DLGAP1: variants seen among roughly 807,000 people sequenced by gnomAD.
DLGAP1 encodes the protein DLG associated protein 1.
In DLGAP1, 11 loss-of-function variants were observed where a neutral mutation model predicts 90.8. The observed-to-expected ratio is 0.12, with a 90% CI of 0.08 to 0.20. DLGAP1 has a LOEUF of 0.20. Ranked by LOEUF, DLGAP1 falls within the 10% of genes least tolerant of loss-of-function variation. The pLI, the probability that DLGAP1 is intolerant of heterozygous loss-of-function variation, is 1.00. For missense variants in DLGAP1, 1,050 were observed against 1,333.8 expected (o/e 0.79, Z 3.31); for synonymous variants, 558 against 540.7 (o/e 1.03, Z -0.44).
intron 1 of DLGAP1, among the ~76,000 whole-genome samples, chr18:4,341,617 C>G (rs73941440): frequency 6.6e-6 from 1 of 152,102 alleles, no homozygotes. Flanking sequence ...TTATGTCTCC[C>G]GCTTCTACAA....
chr18:4,390,942 C>T (rs1195516846), intron 1 of DLGAP1, among the ~76,000 whole-genome samples: 1 of 152,172 alleles, frequency 6.6e-6, no homozygotes, highest in Non-Finnish European at 1.5e-5. Flanking sequence ...TCAGCCTGCG[C>T]TCATCTTGGA....
intron 3 of DLGAP1, among the ~76,000 whole-genome samples, chr18:3,958,315 T>C (rs1483350107): frequency 6.6e-6 from 1 of 152,092 alleles, no homozygotes; most frequent in Non-Finnish European, 1.5e-5. Flanking sequence ...GCACTTGGCC[T>C]TAGTCCATAC....
intron 5 of DLGAP1, among the ~76,000 whole-genome samples, 183 bp from the exon 6 acceptor site, chr18:3,742,695 T>C (rs1405026473): frequency 6.6e-6 from 1 of 152,208 alleles, no homozygotes; most frequent in Non-Finnish European, 1.5e-5. Context: ...CAGGAAATCA[T>C]CAAGATCTGA....
intron 4 of DLGAP1, among the ~76,000 whole-genome samples, chr18:3,865,077 T>C (rs2070306517): frequency 6.6e-6 from 1 of 152,090 alleles, no homozygotes; most frequent in Non-Finnish European, 1.5e-5. Context: ...ACAGACAAAA[T>C]ATAAAATCAC....
At chr18:3,655,011 T>C (rs1387895584) in intron 7 of DLGAP1, among the ~76,000 whole-genome samples, 1 of 129,514 alleles carries the variant, frequency 7.7e-6, no homozygotes, top group Non-Finnish European at 1.6e-5. Flanking sequence ...CATGGGTACA[T>C]AACTGACCTA....
chr18:3,749,341 G>A (rs1426701198), intron 5 of DLGAP1, among the ~76,000 whole-genome samples: 4 of 151,584 alleles, frequency 2.6e-5, no homozygotes, highest in Non-Finnish European at 4.4e-5. Context: ...TAGTAGAGAG[G>A]GGGGTTTCAC....
At chr18:3,592,863 AAAAAGAAAAAGAAAGAAAGAAAAAG>A (rs1568260430) in intron 7 of DLGAP1, among the ~76,000 whole-genome samples, 3 of 119,816 alleles carry the variant, frequency 2.5e-5, no homozygotes, top group South Asian at 2.9e-4. Flanking sequence ...AAAAAAAAAA[AAAAAGAAAAAGAAAGAAAGAAAAAG>A]AAAAAGAAAA....
At chr18:3,718,784 G>C (rs1404789240) in intron 7 of DLGAP1, among the ~76,000 whole-genome samples, 1 of 152,044 alleles carries the variant, frequency 6.6e-6, no homozygotes, top group East Asian at 1.9e-4. Flanking sequence ...AAATTAGCTG[G>C]GTGTGGTGGC....
chr18:3,870,473 C>T (rs528684492), intron 4 of DLGAP1, among the ~76,000 whole-genome samples: 3 of 152,204 alleles, frequency 2.0e-5, no homozygotes, highest in South Asian at 2.1e-4. Flanking sequence ...TAGCTTTTAG[C>T]GTATGTATCC....
intron 7 of DLGAP1, among the ~76,000 whole-genome samples, chr18:3,688,657 AC>A (rs1567965686): frequency 0.096 from 12,193 of 126,986 alleles, 826 homozygotes; most frequent in African/African-American, 0.21. Flanking sequence ...ACACACACAC[AC>A]ACACACACAC....
chr18:3,634,972 T>C (rs1043177555), intron 7 of DLGAP1, among the ~76,000 whole-genome samples: 1 of 152,230 alleles, frequency 6.6e-6, no homozygotes, highest in Non-Finnish European at 1.5e-5. Context: ...ACATTTTCCC[T>C]GGCTCCTGTT....
rs555295469 is a variant in DLGAP1, at chr18:3,941,305, G to T, written c.-72-61165C>A. 2.0e-5 allele frequency among the ~76,000 whole-genome samples: 3 copies of T among 152,296 alleles called. No homozygotes were observed. The East Asian group carries it at 5.8e-4, about 29-fold the overall frequency. On this transcript the variant is annotated intron_variant, in intron 3 of 12. Coordinates refer to ENST00000315677, the MANE Select transcript of DLGAP1 (RefSeq NM_004746.4). ...AGGGAACACTGCAGTAGGGTTTGGG[G>T]CTCACGATGGAAACAGAACCCACTG...
chr18:4,232,938 G>C (rs1268700956), intron 1 of DLGAP1, among the ~76,000 whole-genome samples: 1 of 152,140 alleles, frequency 6.6e-6, no homozygotes, highest in Non-Finnish European at 1.5e-5. Flanking sequence ...ACAAGTGTGG[G>C]AACACAGAAG....
chr18:3,954,825 C>T (rs973755021), intron 3 of DLGAP1, among the ~76,000 whole-genome samples: 12 of 152,094 alleles, frequency 7.9e-5, no homozygotes, highest in South Asian at 2.1e-4. Context: ...ACTGGACATG[C>T]GGACAATGAA....
rs868367755 is a variant in DLGAP1, at chr18:4,357,170, T to G, written c.-267+97836A>C. Reference sequence around the variant, plus strand: ...TTTGTTTTTTTCCTTTTTTTTTTTTTTTTTTGACAGGCTCACTCTGTGGCC... The same window carrying G: ...TTTGTTTTTTTCCTTTTTTTTTTTTGTTTTTGACAGGCTCACTCTGTGGCC... On this transcript the variant is annotated intron_variant, in intron 1 of 12. Coordinates refer to ENST00000315677, the MANE Select transcript of DLGAP1 (RefSeq NM_004746.4). Among the ~76,000 whole-genome samples, 403 of 145,018 alleles carry G rather than the reference T, an allele frequency of 2.8e-3. 4 individuals are homozygous for G. Among genetic ancestry groups the G allele is most frequent in the African/African-American group, 9.5e-3 (362 of 38,292 alleles).
At chr18:4,263,361 CA>C (rs566218850) in intron 1 of DLGAP1, among the ~76,000 whole-genome samples, 459 of 152,124 alleles carry the variant, frequency 3.0e-3, no homozygotes, top group Non-Finnish European at 5.5e-3. Context: ...TTTTAATTAC[CA>C]AAAATGCCCA....
intron 3 of DLGAP1, among the ~76,000 whole-genome samples, chr18:3,995,051 G>A (rs1051332019): frequency 9.2e-5 from 14 of 152,006 alleles, no homozygotes; most frequent in Admixed American, 6.5e-4. Context: ...GTAGCATAAA[G>A]TCACTACTCA....
At chr18:4,001,048 TCTC>T (rs1016990937) in intron 3 of DLGAP1, among the ~76,000 whole-genome samples, 5 of 152,120 alleles carry the variant, frequency 3.3e-5, no homozygotes, top group Non-Finnish European at 7.4e-5. Context: ...GTTCATTTGT[TCTC>T]CTATTCCTAT....
chr18:4,030,080 C>A (rs956853552), intron 2 of DLGAP1, among the ~76,000 whole-genome samples: 31 of 152,136 alleles, frequency 2.0e-4, no homozygotes, highest in Admixed American at 5.2e-4. Context: ...GCAATGTCCA[C>A]CTCCTGGATT....
Sources: gnomAD v4.1 joint callset for allele counts (sites outside exome capture counted in the v4.1 genomes callset) on GRCh38, gnomAD v4.1.1 for gene constraint, MANE v1.5 for transcripts, NCBI Gene and HGNC (gene_info 2026-07-23, HGNC 2026-07-21) for gene names.